Variants in PPFIBP2 observed in about 807,000 individuals in gnomAD.
PPFIBP2 encodes liprin-beta-2.
In PPFIBP2, 118 loss-of-function variants were observed where a neutral mutation model predicts 118.3. That is an observed-to-expected ratio of 1.00 (90% CI 0.86 to 1.16). PPFIBP2 has a LOEUF of 1.16. PPFIBP2 is among the 50% of genes most tolerant of loss of function. The probability of loss-of-function intolerance (pLI) is 0.00; values close to 1 mark genes in which losing one functional copy is unlikely to be tolerated. For missense variants in PPFIBP2, 1,195 were observed against 1,073.1 expected (o/e 1.11, Z -1.59); for synonymous variants, 414 against 397.4 (o/e 1.04, Z -0.50).
downstream of PPFIBP2, among the ~76,000 whole-genome samples, chr11:7,656,170 G>GA (rs1436152767): frequency 6.6e-6 from 1 of 152,194 alleles, no homozygotes; most frequent in East Asian, 1.9e-4. Context: ...AGAGCTGGCA[G>GA]GAAAAGGCCA....
At chr11:7,549,666 TG>T (rs1006219170) in intron 2 of PPFIBP2, 127 bp downstream of exon 2, 180 of 1,006,792 alleles carry the variant, frequency 1.8e-4, no homozygotes, top group Non-Finnish European at 2.4e-4. Flanking sequence ...TATTTTTCAG[TG>T]GTGTTATTGT....
downstream of PPFIBP2, among the ~76,000 whole-genome samples, chr11:7,654,723 G>T (rs908241953): frequency 2.6e-5 from 4 of 152,224 alleles, no homozygotes; most frequent in Non-Finnish European, 4.4e-5. Flanking sequence ...TTTGTCCCTT[G>T]TTTCTTATGT....
At chr11:7,556,454 TAAAA>T (rs1220491014) in intron 2 of PPFIBP2, among the ~76,000 whole-genome samples, 1 of 152,148 alleles carries the variant, frequency 6.6e-6, no homozygotes, top group African/African-American at 2.4e-5. Flanking sequence ...TCTCAAAAAA[TAAAA>T]TAAATAATAC....
chr11:7,577,685 G>C (rs1441799658), intron 3 of PPFIBP2: 1 of 456,340 alleles, frequency 2.2e-6, no homozygotes, highest in Non-Finnish European at 4.4e-6. Context: ...GATAAGTGAG[G>C]GGGAGACGCT....
chr11:7,613,000 G>C (rs1469351758), intron 6 of PPFIBP2, among the ~76,000 whole-genome samples: 1 of 152,184 alleles, frequency 6.6e-6, no homozygotes, highest in African/African-American at 2.4e-5. Context: ...TAAAGGGAAC[G>C]CTGCTTCCCA....
chr11:7,610,909 C>T (rs970884160), intron 6 of PPFIBP2, among the ~76,000 whole-genome samples: 1 of 152,180 alleles, frequency 6.6e-6, no homozygotes, highest in African/African-American at 2.4e-5. Flanking sequence ...ATGTGCAGGC[C>T]TTCTCTTAGA....
chr11:7,594,519 T>G (rs1303599980), intron 4 of PPFIBP2, among the ~76,000 whole-genome samples: 1 of 152,268 alleles, frequency 6.6e-6, no homozygotes, highest in Non-Finnish European at 1.5e-5. Context: ...CAGTGGCTCA[T>G]GCCTGTAATC....
chr11:7,565,932 A>G (rs949573799), intron 3 of PPFIBP2, among the ~76,000 whole-genome samples, 165 bp downstream of exon 3: 1 of 152,148 alleles, frequency 6.6e-6, no homozygotes, highest in Non-Finnish European at 1.5e-5. Context: ...ATCAAGGAGT[A>G]TAGAGCCCAG....
chr11:7,627,610 C>G (rs553737531), intron 8 of PPFIBP2, among the ~76,000 whole-genome samples: 1 of 152,298 alleles, frequency 6.6e-6, no homozygotes, highest in South Asian at 2.1e-4. Context: ...AACAGAGTCC[C>G]TCTTGGGTCC....
intron 7 of PPFIBP2, among the ~76,000 whole-genome samples, chr11:7,622,972 T>C (rs1849530009): frequency 6.6e-6 from 1 of 152,244 alleles, no homozygotes; most frequent in African/African-American, 2.4e-5. Context: ...GCACTTCCTA[T>C]GTGCCAGAAT....
downstream of PPFIBP2, among the ~76,000 whole-genome samples, chr11:7,655,008 C>T (rs1387035233): frequency 1.3e-5 from 2 of 152,114 alleles, no homozygotes; most frequent in South Asian, 2.1e-4. Flanking sequence ...AGGAAGGATG[C>T]CCACCTATGT....
intron 8 of PPFIBP2, among the ~76,000 whole-genome samples, chr11:7,626,825 T>A (rs1041157964): frequency 6.6e-6 from 1 of 152,228 alleles, no homozygotes; most frequent in African/African-American, 2.4e-5. Flanking sequence ...CCTAGTCACA[T>A]CCTGGCCTCA....
At chr11:7,622,415 A>G (rs1335009020) in intron 7 of PPFIBP2, among the ~76,000 whole-genome samples, 1 of 152,204 alleles carries the variant, frequency 6.6e-6, no homozygotes, top group Non-Finnish European at 1.5e-5. Context: ...ATATTCAAAC[A>G]TCAGGGTCTC....
At chr11:7,651,003 C>T (rs780722816) in intron 22 of PPFIBP2, 38 bp downstream of exon 22, 32 of 1,592,600 alleles carry the variant, frequency 2.0e-5, no homozygotes, top group Non-Finnish European at 2.7e-5. Flanking sequence ...TGCCTTGGTG[C>T]AAATGGGATA....
intron 2 of PPFIBP2, among the ~76,000 whole-genome samples, chr11:7,551,045 ATATAGATATC>A (rs1852922735): frequency 7.1e-6 from 1 of 140,380 alleles, no homozygotes; most frequent in Non-Finnish European, 1.6e-5. Flanking sequence ...ATATCTATAG[ATATAGATATC>A]TATAGATATC....
At chr11:7,604,995 C>T (rs1847162290) in intron 5 of PPFIBP2, among the ~76,000 whole-genome samples, 1 of 152,196 alleles carries the variant, frequency 6.6e-6, no homozygotes, top group South Asian at 2.1e-4. Context: ...TATGAAGAGT[C>T]AGGAGACTGA....
the PPFIBP2 span, chr11:7,665,356 G>T: frequency 1.0e-5 from 15 of 1,485,400 alleles, no homozygotes; most frequent in Non-Finnish European, 1.3e-5. Flanking sequence ...ATGCAAAATT[G>T]CTGAGCACGT....
At chr11:7,645,028 A>T in intron 17 of PPFIBP2, among the ~76,000 whole-genome samples, 1 of 3,834 alleles carries the variant, frequency 2.6e-4, no homozygotes, top group Admixed American at 1.8e-3. Flanking sequence ...CTCCGTCTCA[A>T]AAAAAAAAAA....
chr11:7,651,557 G>A lies in PPFIBP2; in HGVS notation c.2248-99G>A. On this transcript the variant is annotated intron_variant, in intron 22 of 23. Transcript: ENST00000299492. ...GTGACTGAGCTCCTGTCCCTCCTCTGGAGGCACCCCCAGCCCCAACAGGCC... is the reference window on the plus strand; with the variant it reads ...GTGACTGAGCTCCTGTCCCTCCTCTAGAGGCACCCCCAGCCCCAACAGGCC... 4 of 1,111,580 alleles carry A rather than the reference G, an allele frequency of 3.6e-6. No individual in the cohort carries two copies. In the South Asian group the frequency reaches 6.2e-5, roughly 17 times the overall value. 68.9% of individuals were successfully genotyped at this position (1,111,580 alleles called of 1,614,324 possible).
Sources: gnomAD v4.1 joint callset for allele counts (sites outside exome capture counted in the v4.1 genomes callset) on GRCh38, gnomAD v4.1.1 for gene constraint, MANE v1.5 for transcripts, NCBI Gene and HGNC (gene_info 2026-07-23, HGNC 2026-07-21) for gene names.